The following MAST4 variants were observed in gnomAD, a reference collection of about 807,000 sequenced individuals.
MAST4 encodes microtubule associated serine/threonine kinase family member 4.
MAST4 carries 89 observed loss-of-function variants against 162.7 expected under a neutral mutation model. The observed-to-expected ratio is 0.55, with a 90% CI of 0.46 to 0.65. The LOEUF (loss-of-function observed/expected upper bound fraction) is 0.65, where lower values mean the gene tolerates loss of function less well. MAST4 is among the 30% of genes least tolerant of loss of function. The probability of loss-of-function intolerance (pLI) is 0.00; values close to 1 mark genes in which losing one functional copy is unlikely to be tolerated. For missense variants in MAST4, 3,153 were observed against 3,374.0 expected (o/e 0.93, Z 1.62); for synonymous variants, 1,479 against 1,361.1 (o/e 1.09, Z -1.91).
intron 4 of MAST4, among the ~76,000 whole-genome samples, chr5:66,972,236 A>G (rs1018335695): frequency 6.6e-6 from 1 of 152,240 alleles, no homozygotes; most frequent in African/African-American, 2.4e-5. Flanking sequence ...ATGATGAGGT[A>G]TTATGAAACT....
At chr5:66,753,792 C>A (rs2149599569) in intron 1 of MAST4, among the ~76,000 whole-genome samples, 1 of 150,820 alleles carries the variant, frequency 6.6e-6, no homozygotes, top group African/African-American at 2.4e-5. Context: ...TCCTCCCTAA[C>A]TCATTTGATG....
intron 1 of MAST4, among the ~76,000 whole-genome samples, chr5:66,756,636 G>T (rs1243548401): frequency 1.3e-5 from 2 of 152,176 alleles, no homozygotes; most frequent in African/African-American, 4.8e-5. Flanking sequence ...GTCTTAAAAG[G>T]GATCATGAGT....
intron 4 of MAST4, among the ~76,000 whole-genome samples, chr5:66,908,376 T>C (rs1011261307): frequency 2.0e-5 from 3 of 152,142 alleles, no homozygotes; most frequent in African/African-American, 4.8e-5. Flanking sequence ...TTTATAAAAA[T>C]CTATGTGCAT....
chr5:66,678,164 C>T (rs1263014714), intron 1 of MAST4, among the ~76,000 whole-genome samples: 1 of 151,940 alleles, frequency 6.6e-6, no homozygotes, highest in Non-Finnish European at 1.5e-5. Context: ...CACAGAAAGA[C>T]ACATACTGCA....
intron 4 of MAST4, among the ~76,000 whole-genome samples, chr5:66,970,685 T>A (rs1400478261): frequency 6.6e-6 from 1 of 152,232 alleles, no homozygotes; most frequent in Non-Finnish European, 1.5e-5. Context: ...ATTACTAAGC[T>A]AGATATTTGC....
intron 2 of MAST4, 66 bp from the exon 3 acceptor site, chr5:66,788,604 C>CCCCCA: frequency 7.5e-7 from 1 of 1,337,756 alleles, no homozygotes; most frequent in Non-Finnish European, 1.0e-6. Flanking sequence ...CCACCCCCAC[C>CCCCCA]CCCATTGCAA....
intron 2 of MAST4, among the ~76,000 whole-genome samples, chr5:66,766,851 T>C (rs144784532): frequency 6.6e-6 from 1 of 152,302 alleles, no homozygotes; most frequent in East Asian, 1.9e-4. Flanking sequence ...TAATGCTACA[T>C]GCTATGACAA....
intron 5 of MAST4, among the ~76,000 whole-genome samples, chr5:67,064,981 G>A (rs746846222): frequency 5.9e-5 from 9 of 151,898 alleles, no homozygotes; most frequent in East Asian, 1.9e-4. Context: ...TTTTGTATTC[G>A]ACATTTTCAG....
chr5:66,891,445 A>G (rs1001983165), intron 3 of MAST4, among the ~76,000 whole-genome samples: 2 of 152,180 alleles, frequency 1.3e-5, no homozygotes, highest in Admixed American at 6.5e-5. Flanking sequence ...GAGCCATGTG[A>G]CACCCTAATG....
In MAST4 at chr5:66,909,039, C is replaced by A. The variant is rs1468476530; in HGVS notation, c.674+9057C>A. On this transcript the variant is annotated intron_variant, in intron 4 of 28. Transcript: ENST00000403625. ...TTGGGAATTATGCCCTTCTTTCTCTCCCCCCAGATCATTTATTTTTGTCCT... is the reference window on the plus strand; with the variant it reads ...TTGGGAATTATGCCCTTCTTTCTCTACCCCCAGATCATTTATTTTTGTCCT... Among the ~76,000 whole-genome samples, 71 of 152,126 alleles carry A rather than the reference C, an allele frequency of 4.7e-4. 1 individual carries two copies. Among genetic ancestry groups the A allele is most frequent in the Non-Finnish European group, 5.3e-4 (36 of 68,016 alleles).
intron 3 of MAST4, among the ~76,000 whole-genome samples, chr5:66,849,419 A>C (rs1759135338): frequency 2.1e-5 from 3 of 143,420 alleles, no homozygotes; most frequent in Non-Finnish European, 3.1e-5. Context: ...TCTCCCCTCC[A>C]CCTCCCCTTT....
chr5:67,112,190 T>TTTC (rs1333184317), intron 11 of MAST4, among the ~76,000 whole-genome samples: 1 of 152,186 alleles, frequency 6.6e-6, no homozygotes. Flanking sequence ...ATAACTGGGC[T>TTTC]TTAAGTCAAT....
rs561936933 is a variant in MAST4, at chr5:67,166,940, A to G, written c.7761A>G (p.Pro2587=). Residue 2587 remains proline (P), a synonymous_variant, in exon 29 of 29, where the codon CCA becomes CCG. Transcript: ENST00000403625. ...NVGRDVTKPS[P]APNTDRPISL... is the part of the protein sequence containing the mutation. The stretch of plus-strand genomic sequence containing the variant: ...GCAGAGACGTGACCAAGCCATCCCC[A>G]GCCCCAAACACTGACCGCCCCATCT... The G allele has an allele frequency of 1.4e-5, 22 of 1,612,368 alleles. No individual in the cohort carries two copies. In the Admixed American group the frequency reaches 3.0e-4, roughly 22 times the overall value.
chr5:66,732,942 A>G (rs1009078939), intron 1 of MAST4, among the ~76,000 whole-genome samples: 10 of 152,120 alleles, frequency 6.6e-5, no homozygotes, highest in Admixed American at 4.6e-4. Flanking sequence ...TTCTGGTCCA[A>G]TTTGAAAGTC....
intron 2 of MAST4, among the ~76,000 whole-genome samples, chr5:66,786,100 C>T (rs1580447498): frequency 6.6e-6 from 1 of 152,090 alleles, no homozygotes; most frequent in East Asian, 1.9e-4. Flanking sequence ...AACACTTAGG[C>T]TCGAGGGATC....
chr5:66,740,584 A>C (rs1405413999), intron 1 of MAST4, among the ~76,000 whole-genome samples: 3 of 152,178 alleles, frequency 2.0e-5, no homozygotes, highest in Admixed American at 2.0e-4. Context: ...AGTCTTCCAT[A>C]GCTTGGCTGT....
intron 10 of MAST4, among the ~76,000 whole-genome samples, chr5:67,105,517 A>G (rs1442801206): frequency 6.6e-6 from 1 of 152,108 alleles, no homozygotes; most frequent in Non-Finnish European, 1.5e-5. Context: ...GATTTCTCAC[A>G]TTGCAACCAA....
chr5:67,165,733 C>T lies in MAST4; in HGVS notation c.6554C>T (p.Ala2185Val), dbSNP rs765497883. 7 of 1,578,054 alleles carry T rather than the reference C, an allele frequency of 4.4e-6. No individual in the cohort carries two copies. The South Asian group carries it at 5.7e-5, about 13-fold the overall frequency. ...SPQDPPKPVA[A>V]HSESSSHKPR... ...CAGGACCCTCCCAAGCCTGTTGCTG[C>T]GCACAGTGAAAGCAGCAGCCACAAG... The change falls in exon 29 of 29, where the codon GCG becomes GTG. Residue 2185 changes from alanine (A) to valine (V), a missense_variant. Ala to Val is a moderately conservative substitution (Grantham distance 64, BLOSUM62 0). Around this residue, in one of 7 missense-constraint regions of MAST4, gnomAD observed 1,644 missense variants for 1,495.0 expected, o/e 1.10. Transcript: ENST00000403625.
chr5:66,971,009 T>C (rs1045790905), intron 4 of MAST4, among the ~76,000 whole-genome samples: 38 of 152,198 alleles, frequency 2.5e-4, no homozygotes, highest in African/African-American at 8.7e-4. Context: ...GTCTAGAAAG[T>C]GACCTGGTCT....
Sources: gnomAD v4.1 joint callset for allele counts (sites outside exome capture counted in the v4.1 genomes callset) on GRCh38, gnomAD v4.1.1 for gene constraint, gnomAD v4.1.1 regional missense constraint, MANE v1.5 for transcripts, NCBI Gene and HGNC (gene_info 2026-07-23, HGNC 2026-07-21) for gene names.